PCDH9: variants seen among roughly 807,000 people sequenced by gnomAD.
PCDH9 encodes the protein protocadherin-9.
In PCDH9, 24 loss-of-function variants were observed where a neutral mutation model predicts 70.6. That is an observed-to-expected ratio of 0.34 (90% CI 0.25 to 0.48). PCDH9 has a LOEUF of 0.48. Ranked by LOEUF, PCDH9 falls within the 20% of genes least tolerant of loss-of-function variation. The pLI, the probability that PCDH9 is intolerant of heterozygous loss-of-function variation, is 0.99. For missense variants in PCDH9, 1,281 were observed against 1,503.6 expected (o/e 0.85, Z 2.45); for synonymous variants, 562 against 558.5 (o/e 1.01, Z -0.09).
At position 66,890,529 on chromosome 13, in the gene PCDH9, G is replaced by T. The variant is rs192077102; in HGVS notation, c.3138+12975C>A. 2.0e-5 allele frequency among the ~76,000 whole-genome samples: 3 copies of T among 150,578 alleles called. No homozygotes were observed. The Admixed American group carries it at 2.0e-4, about 10-fold the overall frequency. On this transcript the variant is annotated intron_variant, in intron 3 of 4. Coordinates refer to ENST00000377865, the MANE Select transcript of PCDH9 (RefSeq NM_203487.3). ...GTAAATTCTTTCTCTGCTCTTTTGG[G>T]AGGTTGCTGATTGCCACTTTTACAA...
chr13:66,857,412 T>A (rs2081412279), intron 3 of PCDH9, among the ~76,000 whole-genome samples: 1 of 152,016 alleles, frequency 6.6e-6, no homozygotes, highest in Admixed American at 6.6e-5. Context: ...TGATTAGCAA[T>A]AAGTGTGCAA....
chr13:66,829,283 T>C (rs551556362), intron 3 of PCDH9, among the ~76,000 whole-genome samples: 4 of 152,260 alleles, frequency 2.6e-5, no homozygotes, highest in African/African-American at 9.6e-5. Flanking sequence ...TCCCAAAGTG[T>C]TGAGATTACA....
At chr13:66,313,517 A>G (rs1955599305) in intron 4 of PCDH9, among the ~76,000 whole-genome samples, 1 of 152,222 alleles carries the variant, frequency 6.6e-6, no homozygotes. Context: ...AAAATAAGCC[A>G]CTTACATAAT....
intron 4 of PCDH9, among the ~76,000 whole-genome samples, chr13:66,563,425 A>T (rs991238382): frequency 2.0e-5 from 3 of 152,182 alleles, no homozygotes; most frequent in African/African-American, 4.8e-5. Context: ...ACCACCCTAC[A>T]TACAAATCCA....
chr13:66,700,089 C>T (rs2078617604), intron 3 of PCDH9, among the ~76,000 whole-genome samples: 1 of 152,110 alleles, frequency 6.6e-6, no homozygotes, highest in Non-Finnish European at 1.5e-5. Flanking sequence ...TGTTAGGGCC[C>T]TTTGGCTGTG....
intron 4 of PCDH9, among the ~76,000 whole-genome samples, chr13:66,512,422 C>T (rs931784801): frequency 6.6e-6 from 1 of 151,396 alleles, no homozygotes; most frequent in Non-Finnish European, 1.5e-5. Flanking sequence ...GTTAATGTTC[C>T]CTTTGAGAAA....
At chr13:66,930,341 C>T (rs1016933707) in intron 2 of PCDH9, among the ~76,000 whole-genome samples, 8 of 152,096 alleles carry the variant, frequency 5.3e-5, no homozygotes, top group South Asian at 2.1e-4. Context: ...TGATCTAGTA[C>T]TTTCCTATGC....
intron 2 of PCDH9, among the ~76,000 whole-genome samples, chr13:67,046,032 T>A (rs1039346266): frequency 6.6e-6 from 1 of 152,206 alleles, no homozygotes; most frequent in Non-Finnish European, 1.5e-5. Context: ...ACTGAAAACT[T>A]AGTTTATACT....
intron 2 of PCDH9, among the ~76,000 whole-genome samples, chr13:67,187,982 T>C (rs1176169055): frequency 6.6e-6 from 1 of 152,150 alleles, no homozygotes; most frequent in East Asian, 1.9e-4. Context: ...CACCCTGTAC[T>C]GTAATCATTG....
intron 4 of PCDH9, among the ~76,000 whole-genome samples, chr13:66,337,516 T>C (rs1956056375): frequency 6.6e-6 from 1 of 152,054 alleles, no homozygotes; most frequent in Non-Finnish European, 1.5e-5. Context: ...ACTTGCACTA[T>C]TGAATTGCAA....
intron 4 of PCDH9, among the ~76,000 whole-genome samples, chr13:66,629,130 C>A (rs1050912394): frequency 2.6e-5 from 4 of 152,218 alleles, no homozygotes; most frequent in African/African-American, 9.7e-5. Flanking sequence ...TTGTCTTAAT[C>A]TTATTCATTG....
rs551213943 is a variant in PCDH9, at chr13:66,624,954, G to A, written c.3340+6256C>T. Among the ~76,000 whole-genome samples, 5 of 5,350 alleles carry A rather than the reference G, an allele frequency of 9.3e-4. No homozygotes were observed. The East Asian group carries it at 0.25, about 268-fold the overall frequency. The allele number at this position is 5,350 out of a possible 152,430, so 3.5% of individuals were successfully genotyped here. On this transcript the variant is annotated intron_variant, in intron 4 of 4. Transcript: ENST00000377865. ...TTGTATTCTGGAAAATTTAAAACACGTAAAAAAATAGCCTAATGTAATAAC... is the reference window on the plus strand; with the variant it reads ...TTGTATTCTGGAAAATTTAAAACACATAAAAAAATAGCCTAATGTAATAAC...
intron 2 of PCDH9, among the ~76,000 whole-genome samples, chr13:67,195,418 C>T (rs1167786980): frequency 6.6e-6 from 1 of 152,152 alleles, no homozygotes; most frequent in Non-Finnish European, 1.5e-5. Flanking sequence ...GCTGGGATTA[C>T]AGGCGTGAGC....
At chr13:66,744,624 G>C (rs906327292) in intron 3 of PCDH9, among the ~76,000 whole-genome samples, 3 of 151,700 alleles carry the variant, frequency 2.0e-5, no homozygotes, top group African/African-American at 7.3e-5. Context: ...GCTAATAATA[G>C]GATATAATAT....
chr13:66,604,620 A>G (rs117735763), intron 4 of PCDH9, among the ~76,000 whole-genome samples: 249 of 152,160 alleles, frequency 1.6e-3, no homozygotes, highest in Non-Finnish European at 3.0e-3. Context: ...TCCTGAGGTG[A>G]TTACCAAAAC....
chr13:66,868,441 T>C (rs1185609767), intron 3 of PCDH9, among the ~76,000 whole-genome samples: 1 of 152,054 alleles, frequency 6.6e-6, no homozygotes, highest in Non-Finnish European at 1.5e-5. Flanking sequence ...CATATTCTCA[T>C]AGATACATTT....
At chr13:66,900,899 T>G (rs2082266061) in intron 3 of PCDH9, among the ~76,000 whole-genome samples, 1 of 151,730 alleles carries the variant, frequency 6.6e-6, no homozygotes, top group Non-Finnish European at 1.5e-5. Context: ...GGAAAATACC[T>G]GCACTTACCA....
At chr13:67,180,424 GGGCTCCTGTAT>G (rs1375789866) in intron 2 of PCDH9, among the ~76,000 whole-genome samples, 1 of 151,886 alleles carries the variant, frequency 6.6e-6, no homozygotes, top group Non-Finnish European at 1.5e-5. Flanking sequence ...GCTCACTGTT[GGGCTCCTGTAT>G]GGCTCACTGA....
intron 3 of PCDH9, among the ~76,000 whole-genome samples, chr13:66,695,018 C>T (rs2139092626): frequency 6.6e-6 from 1 of 152,004 alleles, no homozygotes; most frequent in South Asian, 2.1e-4. Context: ...ATTCTCCTGC[C>T]TCAGTCTCCC....
Sources: allele counts gnomAD v4.1 joint callset (sites outside exome capture counted in the v4.1 genomes callset), GRCh38; gene constraint gnomAD v4.1.1; transcripts MANE v1.5; gene names NCBI Gene and HGNC (gene_info 2026-07-23, HGNC 2026-07-21).